FAM193A: variants seen among roughly 807,000 people sequenced by gnomAD.
FAM193A encodes the protein protein FAM193A.
FAM193A carries 22 observed loss-of-function variants against 126.5 expected under a neutral mutation model. The observed-to-expected ratio is 0.17, with a 90% CI of 0.12 to 0.25. The LOEUF (loss-of-function observed/expected upper bound fraction) is 0.25, where lower values mean the gene tolerates loss of function less well. FAM193A is among the 10% of genes least tolerant of loss of function. The pLI is 1.00. For missense variants in FAM193A, 1,675 were observed against 1,672.8 expected, an observed-to-expected ratio of 1.00 and a Z score of -0.02; for synonymous variants, 761 against 646.8, an observed-to-expected ratio of 1.18 and a Z score of -2.68.
intron 1 of FAM193A, among the ~76,000 whole-genome samples, chr4:2,556,457 G>A (rs1484961093): frequency 6.6e-6 from 1 of 152,032 alleles, no homozygotes; most frequent in Non-Finnish European, 1.5e-5. Flanking sequence ...GCCTGCCTTG[G>A]CCTCCCAAAG....
upstream of FAM193A, among the ~76,000 whole-genome samples, chr4:2,536,334 G>A (rs1017340717): frequency 6.6e-6 from 1 of 151,674 alleles, no homozygotes; most frequent in South Asian, 2.1e-4. Flanking sequence ...GCGGCGACGA[G>A]CGAGGCGGTG....
At chr4:2,675,837 C>G (rs944780034) in intron 13 of FAM193A, among the ~76,000 whole-genome samples, 1 of 152,168 alleles carries the variant, frequency 6.6e-6, no homozygotes, top group African/African-American at 2.4e-5. Context: ...TCTACTTTGT[C>G]TCTGTGATTG....
At chr4:2,647,677 C>T (rs1348245624) in intron 7 of FAM193A, among the ~76,000 whole-genome samples, 7 of 152,190 alleles carry the variant, frequency 4.6e-5, no homozygotes, top group African/African-American at 1.7e-4. Flanking sequence ...ACGGCGCCCC[C>T]TCCCCCCGCT....
At chr4:2,634,106 G>A (rs1031146012) in intron 5 of FAM193A, among the ~76,000 whole-genome samples, 2 of 152,158 alleles carry the variant, frequency 1.3e-5, no homozygotes, top group Admixed American at 6.6e-5. Flanking sequence ...TGTAAGTGAC[G>A]ACACTAGTAA....
At chr4:2,662,344 T>C (rs1427974904) in intron 10 of FAM193A, among the ~76,000 whole-genome samples, 2 of 152,244 alleles carry the variant, frequency 1.3e-5, no homozygotes, top group Non-Finnish European at 2.9e-5. Flanking sequence ...TAAGTGCCTT[T>C]AAAGTTTTGT....
At chr4:2,677,913 ATTGTC>A (rs1467370591) in intron 13 of FAM193A, among the ~76,000 whole-genome samples, 2 of 152,048 alleles carry the variant, frequency 1.3e-5, no homozygotes, top group Non-Finnish European at 2.9e-5. Context: ...TTCTAACAGT[ATTGTC>A]TTCTAATCAA....
intron 2 of FAM193A, among the ~76,000 whole-genome samples, chr4:2,606,692 A>G (rs1305177945): frequency 5.9e-5 from 9 of 152,218 alleles, no homozygotes; most frequent in African/African-American, 2.2e-4. Flanking sequence ...TTGGTTTACT[A>G]AGGTAGACAG....
intron 12 of FAM193A, among the ~76,000 whole-genome samples, chr4:2,667,539 C>A (rs77947682): frequency 6.6e-6 from 1 of 152,100 alleles, no homozygotes. Flanking sequence ...TGATATATTG[C>A]CCCTTTTATC....
chr4:2,726,107 G>A (rs2109422667), intron 20 of FAM193A, among the ~76,000 whole-genome samples: 1 of 152,074 alleles, frequency 6.6e-6, no homozygotes, highest in South Asian at 2.1e-4. Flanking sequence ...CACCGTGTTA[G>A]CCAGGATGGT....
At chr4:2,633,268 G>A (rs186084155) in intron 5 of FAM193A, among the ~76,000 whole-genome samples, 2 of 151,116 alleles carry the variant, frequency 1.3e-5, no homozygotes, top group East Asian at 3.9e-4. Flanking sequence ...GCATGGTGGC[G>A]GGCGCCTGTA....
intron 7 of FAM193A, among the ~76,000 whole-genome samples, chr4:2,653,402 G>A (rs1745863555): frequency 6.6e-6 from 1 of 152,132 alleles, no homozygotes; most frequent in Non-Finnish European, 1.5e-5. Context: ...TTTACAAAGA[G>A]AAAACCAGTC....
intron 2 of FAM193A, among the ~76,000 whole-genome samples, chr4:2,609,657 A>G (rs144686413): frequency 1.3e-5 from 2 of 152,334 alleles, no homozygotes; most frequent in East Asian, 3.9e-4. Context: ...ACGGCGGCCT[A>G]GGCCGATCAC....
chr4:2,706,295 T>TTTC (rs1718300952), intron 19 of FAM193A, among the ~76,000 whole-genome samples: 2 of 129,736 alleles, frequency 1.5e-5, no homozygotes, highest in Non-Finnish European at 3.3e-5. Context: ...TTCTTTCTTT[T>TTTC]TTTTTTTTTT....
At chr4:2,548,337 C>G (rs1389860766) in intron 1 of FAM193A, among the ~76,000 whole-genome samples, 4 of 152,078 alleles carry the variant, frequency 2.6e-5, no homozygotes, top group African/African-American at 9.7e-5. Context: ...TCCCAAAGTA[C>G]TGGGATTTCA....
chr4:2,654,652 A>T (rs1745998891), intron 7 of FAM193A: 1 of 154,446 alleles, frequency 6.5e-6, no homozygotes, highest in African/African-American at 2.4e-5. Context: ...TTTTATAATA[A>T]CTGCAGACAT....
In FAM193A at chr4:2,603,746, G is replaced by A. The variant is rs1038561434; in HGVS notation, c.501+7417G>A. On this transcript the variant is annotated intron_variant, in intron 2 of 20. Transcript: ENST00000637812. ...AGTACAGGTGTGAGTCACTGCACCCGGCCAATTTTCATTATTTTCTAGTTT... is the reference window on the plus strand; with the variant it reads ...AGTACAGGTGTGAGTCACTGCACCCAGCCAATTTTCATTATTTTCTAGTTT... 4.6e-5 allele frequency among the ~76,000 whole-genome samples: 7 copies of A among 151,890 alleles called. 1 individual carries two copies. In the South Asian group the frequency reaches 6.2e-4, roughly 14 times the overall value.
intron 13 of FAM193A, 128 bp downstream of exon 13, chr4:2,672,500 C>A: frequency 3.1e-6 from 3 of 972,038 alleles, no homozygotes; most frequent in South Asian, 1.6e-5. Flanking sequence ...ATAGGAAGGT[C>A]TCCAAGTGTT....
At chr4:2,715,943 C>G (rs1719487841) in intron 19 of FAM193A, 80 bp from the exon 20 acceptor site, 1 of 860,984 alleles carries the variant, frequency 1.2e-6, no homozygotes, top group East Asian at 2.4e-5. Context: ...TTAAATTGAG[C>G]GAAGACAAAT....
chr4:2,657,168 AAAAAC>A (rs372739183), intron 7 of FAM193A, among the ~76,000 whole-genome samples: 1 of 152,230 alleles, frequency 6.6e-6, no homozygotes, highest in Non-Finnish European at 1.5e-5. Context: ...ACTCAGTCTC[AAAAAC>A]AAAACAAAAC....
Sources: gnomAD v4.1 joint callset for allele counts (sites outside exome capture counted in the v4.1 genomes callset) on GRCh38, gnomAD v4.1.1 for gene constraint, MANE v1.5 for transcripts, NCBI Gene and HGNC (gene_info 2026-07-23, HGNC 2026-07-21) for gene names.